KSR2: variants seen among roughly 807,000 people sequenced by gnomAD.
The protein encoded by KSR2 is kinase suppressor of ras 2.
KSR2 carries 25 observed loss-of-function variants against 107.8 expected under a neutral mutation model. The ratio of observed to expected loss-of-function variants is 0.23; its 90% CI spans 0.17 to 0.32. KSR2 has a LOEUF of 0.32. KSR2 is among the 10% of genes least tolerant of loss of function. The pLI, the probability that KSR2 is intolerant of heterozygous loss-of-function variation, is 1.00. For missense variants in KSR2, 887 were observed against 1,268.9 expected, an observed-to-expected ratio of 0.70 and a Z score of 4.57; for synonymous variants, 480 against 507.0, an observed-to-expected ratio of 0.95 and a Z score of 0.71.
chr12:117,483,525 T>A (rs1327560447), intron 16 of KSR2, among the ~76,000 whole-genome samples: 1 of 147,676 alleles, frequency 6.8e-6, no homozygotes, highest in Non-Finnish European at 1.5e-5. Flanking sequence ...AGGTTTAAAA[T>A]GAGAGAGAGA....
intron 14 of KSR2, among the ~76,000 whole-genome samples, chr12:117,499,937 A>G (rs913163673): frequency 6.6e-5 from 10 of 152,282 alleles, no homozygotes; most frequent in Non-Finnish European, 1.5e-5. Context: ...TGTGTAAGGC[A>G]GTCAGCCGGG....
intron 5 of KSR2, among the ~76,000 whole-genome samples, chr12:117,635,455 C>G (rs1005690435): frequency 4.6e-5 from 7 of 151,950 alleles, no homozygotes; most frequent in Non-Finnish European, 1.0e-4. Context: ...TTTAAAATAA[C>G]AAAGATTGCC....
chr12:117,711,134 T>C (rs116468959), intron 4 of KSR2, among the ~76,000 whole-genome samples: 2,290 of 152,348 alleles, frequency 0.015, 63 homozygotes, highest in African/African-American at 0.053. Flanking sequence ...TAATTATCTA[T>C]TTAAAGACCA....
At chr12:117,596,539 C>T (rs1880655955) in intron 5 of KSR2, among the ~76,000 whole-genome samples, 1 of 152,114 alleles carries the variant, frequency 6.6e-6, no homozygotes, top group Admixed American at 6.5e-5. Flanking sequence ...GTGTCAGGGC[C>T]TTTTCACTAT....
chr12:117,791,812 T>C (rs1890261116), intron 3 of KSR2, among the ~76,000 whole-genome samples: 1 of 152,140 alleles, frequency 6.6e-6, no homozygotes. Context: ...GATCCATGGA[T>C]TGTGTTGCAA....
rs760943830 is a variant in KSR2 at position 117,527,090 on chromosome 12, T to A, written c.1832A>T (p.Glu611Val). ...ILEGNPLLQI[E>V]VEPTSENEEV... is the part of the protein sequence containing the mutation. Reference sequence around the variant, plus strand: ...TCTCACCTCCGACGTTGGCTCCACTTCAATTTGAAGTAATGGATTTCCTTC... The same window carrying A: ...TCTCACCTCCGACGTTGGCTCCACTACAATTTGAAGTAATGGATTTCCTTC... Residue 611 changes from glutamate to valine, a missense_variant, in exon 13 of 20, where the codon GAA (glutamate) becomes GTA (valine). Coordinates refer to ENST00000339824, the MANE Select transcript of KSR2 (RefSeq NM_173598.6). The A allele has an allele frequency of 6.2e-7, 1 of 1,613,710 alleles. No homozygotes were observed. The highest frequency in any genetic ancestry group is 2.2e-5 in the East Asian group (1 of 44,868).
At chr12:117,947,259 A>AAGAAAGAG (rs1566094763) in intron 1 of KSR2, among the ~76,000 whole-genome samples, 1 of 67,554 alleles carries the variant, frequency 1.5e-5, no homozygotes, top group Non-Finnish European at 3.2e-5. Flanking sequence ...GAAAGAAAGA[A>AAGAAAGAG]GATAAACCAC....
At chr12:117,599,686 A>C (rs1437932373) in intron 5 of KSR2, among the ~76,000 whole-genome samples, 1 of 152,052 alleles carries the variant, frequency 6.6e-6, no homozygotes, top group Non-Finnish European at 1.5e-5. Context: ...ACATTTCCAA[A>C]TGTCCCTGGG....
intron 9 of KSR2, among the ~76,000 whole-genome samples, chr12:117,554,798 T>C (rs1354813577): frequency 4.6e-5 from 7 of 152,182 alleles, no homozygotes; most frequent in Admixed American, 6.5e-5. Context: ...ATCTCAGGTA[T>C]GTCTTTATCA....
In KSR2 at chr12:117,851,888, T is replaced by TA. The variant is rs569745181; in HGVS notation, c.472+3539dup. ...CCTGGGCGACAGAGAGACTCCATCTTAAAAAAAAAAAAAAGAAAGTGGCTA... is the reference window on the plus strand; with the variant it reads ...CCTGGGCGACAGAGAGACTCCATCTTAAAAAAAAAAAAAAAGAAAGTGGCTA... On this transcript the variant is annotated intron_variant, in intron 3 of 19. Coordinates refer to ENST00000339824, the MANE Select transcript of KSR2 (RefSeq NM_173598.6). Among the ~76,000 whole-genome samples, 648 of 134,610 alleles carry TA rather than the reference T, an allele frequency of 4.8e-3. 2 individuals are homozygous for TA. Among genetic ancestry groups the TA allele is most frequent in the Middle Eastern group, 7.7e-3 (2 of 260 alleles). The allele number at this position is 134,610 out of a possible 152,430, so 88.3% of individuals were successfully genotyped here.
At chr12:117,688,401 T>C (rs1016695611) in intron 4 of KSR2, among the ~76,000 whole-genome samples, 3 of 152,144 alleles carry the variant, frequency 2.0e-5, no homozygotes, top group East Asian at 3.9e-4. Context: ...TATAGCTCAA[T>C]TTTTTCACTA....
At chr12:117,581,304 A>G (rs1879649071) in intron 6 of KSR2, among the ~76,000 whole-genome samples, 1 of 151,966 alleles carries the variant, frequency 6.6e-6, no homozygotes, top group Non-Finnish European at 1.5e-5. Context: ...TCTGTTAACT[A>G]TCTGACCCTC....
chr12:117,641,406 C>A (rs1003935396), intron 5 of KSR2, among the ~76,000 whole-genome samples: 1 of 152,200 alleles, frequency 6.6e-6, no homozygotes. Context: ...GCCACACCCC[C>A]TCTAAGACCA....
intron 5 of KSR2, among the ~76,000 whole-genome samples, chr12:117,585,439 C>T (rs1262160098): frequency 6.6e-6 from 1 of 152,156 alleles, no homozygotes; most frequent in Non-Finnish European, 1.5e-5. Flanking sequence ...TCTCATTTCC[C>T]AATATCTGGT....
chr12:117,587,354 T>C (rs994843131), intron 5 of KSR2, among the ~76,000 whole-genome samples: 6 of 151,866 alleles, frequency 4.0e-5, no homozygotes, highest in African/African-American at 1.5e-4. Context: ...GTCAGAGAAG[T>C]GGACATGACA....
Position 117,731,441 on chromosome 12 carries a change from C to T in KSR2, c.986+29570G>A, listed in dbSNP as rs548996111. On this transcript the variant is annotated intron_variant, in intron 4 of 19. Coordinates refer to ENST00000339824, the MANE Select transcript of KSR2 (RefSeq NM_173598.6). ...TGGGGGGCAGCCCCCGCCCAGCCAC[C>T]GCCCCGTCCGGGAGGTGGGGGGCGC... Among the ~76,000 whole-genome samples the T allele has an allele frequency of 3.4e-4, 46 of 137,092 alleles. 1 individual carries two copies. In the South Asian group the frequency reaches 5.9e-3, roughly 18 times the overall value. The allele number at this position is 137,092 out of a possible 152,430, so 89.9% of individuals were successfully genotyped here.
intron 3 of KSR2, among the ~76,000 whole-genome samples, chr12:117,762,353 G>A (rs1889066334): frequency 6.6e-6 from 1 of 152,150 alleles, no homozygotes; most frequent in African/African-American, 2.4e-5. Context: ...CCAGATCTGT[G>A]TCGCCATGTT....
intron 1 of KSR2, among the ~76,000 whole-genome samples, chr12:117,924,121 T>C (rs1895429297): frequency 6.6e-6 from 1 of 151,354 alleles, no homozygotes; most frequent in South Asian, 2.1e-4. Context: ...CAGGTGATCC[T>C]CCCACCTCGG....
chr12:117,902,231 G>T (rs918034489), intron 1 of KSR2, among the ~76,000 whole-genome samples: 3 of 152,174 alleles, frequency 2.0e-5, no homozygotes, highest in Non-Finnish European at 4.4e-5. Flanking sequence ...GGCCAAGGTG[G>T]GTGGATCACT....
Sources: allele counts gnomAD v4.1 joint callset (sites outside exome capture counted in the v4.1 genomes callset), GRCh38; gene constraint gnomAD v4.1.1; transcripts MANE v1.5; gene names NCBI Gene and HGNC (gene_info 2026-07-23, HGNC 2026-07-21).